AAAS: variants seen among roughly 807,000 people sequenced by gnomAD.
AAAS encodes aladin WD repeat nucleoporin.
AAAS carries 60 observed loss-of-function variants against 75.6 expected under a neutral mutation model. That is an observed-to-expected ratio of 0.79 (90% CI 0.64 to 0.98). The LOEUF is 0.98. AAAS is among the 50% of genes least tolerant of loss of function. The probability of loss-of-function intolerance (pLI) is 0.00; values close to 1 mark genes in which losing one functional copy is unlikely to be tolerated. For missense variants in AAAS, 658 were observed against 686.9 expected, an observed-to-expected ratio of 0.96 and a Z score of 0.47; for synonymous variants, 271 against 265.0, an observed-to-expected ratio of 1.02 and a Z score of -0.22.
At chr12:53,321,303 C>A (rs1405663754) in intron 1 of AAAS, 40 bp downstream of exon 1, 1 of 1,602,572 alleles carries the variant, frequency 6.2e-7, no homozygotes, top group Non-Finnish European at 8.5e-7. Context: ...CCGACTCCGC[C>A]CCCATGCCTG....
chr12:53,318,265 TG>T (rs1565783347), intron 2 of AAAS, among the ~76,000 whole-genome samples: 76 of 150,654 alleles, frequency 5.0e-4, no homozygotes, highest in African/African-American at 1.8e-3. Context: ...TGTGTGTGTG[TG>T]TGTGTGTTAA....
chr12:53,319,821 AAAAAG>A lies in AAAS; in HGVS notation c.251+739_251+743del, dbSNP rs1565784160. Reference sequence around the variant, plus strand: ...CCGTCTCAAAAAAAAAAAAAAAAAAAAAAAGAAAAAGAAAATGAGCCGGGCGCGGT... The same window carrying A: ...CCGTCTCAAAAAAAAAAAAAAAAAAAAAAAAGAAAATGAGCCGGGCGCGGT... On this transcript the variant is annotated intron_variant, in intron 2 of 15. Transcript: ENST00000209873. Among the ~76,000 whole-genome samples, 2 of 132,280 alleles carry A rather than the reference AAAAAG, an allele frequency of 1.5e-5. 1 individual carries two copies. The highest frequency in any genetic ancestry group is 3.3e-5 in the Non-Finnish European group (2 of 61,504). The allele number at this position is 132,280 out of a possible 152,430, so 86.8% of individuals were successfully genotyped here.
At chr12:53,320,023 G>A (rs549835592) in intron 2 of AAAS, among the ~76,000 whole-genome samples, 2 of 152,054 alleles carry the variant, frequency 1.3e-5, no homozygotes, top group East Asian at 3.9e-4. Flanking sequence ...GGGAGACTGA[G>A]GCAGAAGAAT....
chr12:53,312,653 A>C (rs1944406004), intron 7 of AAAS, among the ~76,000 whole-genome samples: 2 of 151,238 alleles, frequency 1.3e-5, no homozygotes, highest in African/African-American at 4.9e-5. Flanking sequence ...TAATTCTTCT[A>C]TTTTCTCCCG....
chr12:53,310,257 CCTT>C (rs1944366183), intron 7 of AAAS, among the ~76,000 whole-genome samples: 2 of 152,242 alleles, frequency 1.3e-5, no homozygotes, highest in African/African-American at 4.8e-5. Flanking sequence ...CGCGTTTGCT[CCTT>C]ATCATAAAGA....
chr12:53,318,360 A>G (rs1446679827), intron 2 of AAAS, among the ~76,000 whole-genome samples: 3 of 151,746 alleles, frequency 2.0e-5, no homozygotes, highest in African/African-American at 4.8e-5. Flanking sequence ...GGGTGCAAGC[A>G]ATTCTTGCAC....
At position 53,321,487 on chromosome 12, in the gene AAAS, T is replaced by G. The variant is rs953813508; in HGVS notation, c.-22A>C. On this transcript the variant is annotated 5_prime_UTR_variant, in exon 1 of 16. Transcript: ENST00000209873. Reference sequence around the variant, plus strand: ...ACATCTTGCCGGTTCGCAGGACGTCTGCAGTCGGCAAACTCCTGGCCGGAA... The same window carrying G: ...ACATCTTGCCGGTTCGCAGGACGTCGGCAGTCGGCAAACTCCTGGCCGGAA... 1 of 1,613,670 alleles carries G rather than the reference T, an allele frequency of 6.2e-7. No individual in the cohort carries two copies. The highest frequency in any genetic ancestry group is 1.1e-5 in the South Asian group (1 of 91,092).
At chr12:53,312,798 T>C (rs566815983) in intron 7 of AAAS, among the ~76,000 whole-genome samples, 1 of 149,488 alleles carries the variant, frequency 6.7e-6, no homozygotes, top group East Asian at 1.9e-4. Context: ...TATATATATA[T>C]ACGTGTATAT....
In AAAS at chr12:53,320,693, C is replaced by T; in HGVS notation, c.124-1G>A. On this transcript the variant is annotated splice_acceptor_variant, in intron 1 of 15. Coordinates refer to ENST00000209873, the MANE Select transcript of AAAS (RefSeq NM_015665.6). LOFTEE classifies it high-confidence loss of function. ...GTTGTAGGACAGGAAGATTGATCCA[C>T]TATAGCACAAAAGTGAGGAGTGTGA... 1 of 1,614,064 alleles carries T rather than the reference C, an allele frequency of 6.2e-7. No homozygotes were observed. Among genetic ancestry groups the T allele is most frequent in the East Asian group, 2.2e-5 (1 of 44,876 alleles).
In AAAS at chr12:53,321,525, C is replaced by G. The variant is rs927873535; in HGVS notation, c.-60G>C. The G allele has an allele frequency of 2.2e-5, 35 of 1,610,798 alleles. No individual in the cohort carries two copies. In the Admixed American group the frequency reaches 3.3e-4, roughly 15 times the overall value. On this transcript the variant is annotated 5_prime_UTR_variant, in exon 1 of 16. Coordinates refer to ENST00000209873, the MANE Select transcript of AAAS (RefSeq NM_015665.6). ...CTCCTGGCCGGAACGGCACAGACCG[C>G]ACTCCCGCAACTCGGTTCCCGGGCT...
intron 7 of AAAS, among the ~76,000 whole-genome samples, chr12:53,311,131 A>G (rs1160721881): frequency 6.6e-6 from 1 of 151,984 alleles, no homozygotes; most frequent in East Asian, 1.9e-4. Context: ...TATTTTTTGT[A>G]TAGACAGCAT....
Position 53,307,688 on chromosome 12 carries a change from TG to T in AAAS, c.1441del (p.His481ThrfsTer70). 6.2e-7 allele frequency: 1 copy of T among 1,614,112 alleles called. No individual in the cohort carries two copies. The highest frequency in any genetic ancestry group is 1.1e-5 in the South Asian group (1 of 91,090). On this transcript the variant is annotated frameshift_variant, in exon 16 of 16. Transcript: ENST00000209873. LOFTEE classifies it high-confidence loss of function. ...SVGWSTGRIA[H>X]IPLYFVNAQF... ...GGCATTGACAAAGTACAGCGGGATG[TG>T]GGCAATTCGGCCTGTGGACCAGCCC...
intron 2 of AAAS, among the ~76,000 whole-genome samples, chr12:53,319,663 G>A (rs1168600170): frequency 6.6e-6 from 1 of 151,430 alleles, no homozygotes; most frequent in African/African-American, 2.4e-5. Context: ...AGTTAGCTGG[G>A]CGTGGTGGCA....
At chr12:53,309,405 A>C (rs1005444654) in intron 8 of AAAS, 124 bp from the exon 9 acceptor site, 1 of 1,527,380 alleles carries the variant, frequency 6.5e-7, no homozygotes, top group African/African-American at 1.4e-5. Context: ...GTGAAACATG[A>C]GGCACGGGTT....
At chr12:53,308,003 C>T (rs1415156645) in intron 14 of AAAS, 49 bp downstream of exon 14, 1 of 1,613,024 alleles carries the variant, frequency 6.2e-7, no homozygotes, top group Non-Finnish European at 8.5e-7. Flanking sequence ...TTTGTTTGTG[C>T]AGGAAGGCTG....
intron 2 of AAAS, among the ~76,000 whole-genome samples, chr12:53,315,997 T>C (rs530017857): frequency 6.6e-6 from 1 of 152,318 alleles, no homozygotes; most frequent in East Asian, 1.9e-4. Context: ...CAACCAAGGC[T>C]CAGAGGACTT....
chr12:53,318,896 G>C (rs917586197), intron 2 of AAAS, among the ~76,000 whole-genome samples: 1 of 152,202 alleles, frequency 6.6e-6, no homozygotes, highest in Admixed American at 6.5e-5. Context: ...AGCAGCCACA[G>C]AAGTAGGAGA....
chr12:53,311,559 G>A (rs2136805161), intron 7 of AAAS, among the ~76,000 whole-genome samples: 1 of 152,306 alleles, frequency 6.6e-6, no homozygotes, highest in East Asian at 1.9e-4. Context: ...TGCAATGATT[G>A]AGTCTGTGAA....
intron 2 of AAAS, among the ~76,000 whole-genome samples, chr12:53,316,666 C>CA (rs1944466880): frequency 7.0e-6 from 1 of 142,672 alleles, no homozygotes; most frequent in South Asian, 2.2e-4. Context: ...TAGGCTGAGG[C>CA]AGGAGAATCG....
Sources: allele counts gnomAD v4.1 joint callset (sites outside exome capture counted in the v4.1 genomes callset), GRCh38; gene constraint gnomAD v4.1.1; transcripts MANE v1.5; gene names NCBI Gene and HGNC (gene_info 2026-07-23, HGNC 2026-07-21).